Variants in PLAC1 observed in about 807,000 individuals in gnomAD.
PLAC1 encodes placenta-specific protein 1.
For missense variants in PLAC1, 136 were observed against 163.2 expected (o/e 0.83, Z 0.91); for synonymous variants, 68 against 62.1 (o/e 1.09, Z -0.44).
intron 1 of PLAC1, among the ~76,000 whole-genome samples, chrX:134,626,044 A>G (rs1286417201): frequency 9.0e-6 from 1 of 110,974 alleles, no homozygotes. Context: ...AGGAGCAAAA[A>G]GTGGAGCAGA....
chrX:134,690,063 GTC>G (rs2078531028), intron 2 of PLAC1, among the ~76,000 whole-genome samples: 1 of 110,976 alleles, frequency 9.0e-6, no homozygotes, highest in Non-Finnish European at 1.9e-5. Flanking sequence ...CCACTCTACT[GTC>G]TCTATAAATT....
chrX:134,621,796 T>TG (rs1476724157), intron 1 of PLAC1, among the ~76,000 whole-genome samples: 1 of 112,107 alleles, frequency 8.9e-6, no homozygotes, highest in Non-Finnish European at 1.9e-5. Flanking sequence ...ACTGGATTAC[T>TG]GCTTTAAGCT....
chrX:134,746,280 T>C (rs1461271607), intron 1 of PLAC1, among the ~76,000 whole-genome samples: 1 of 111,962 alleles, frequency 8.9e-6, no homozygotes, highest in African/African-American at 3.2e-5. Flanking sequence ...CTTCCTTGTC[T>C]GACCTCTGCT....
intron 1 of PLAC1, among the ~76,000 whole-genome samples, chrX:134,735,118 C>T (rs2078699528): frequency 9.0e-6 from 1 of 111,721 alleles, no homozygotes; most frequent in African/African-American, 3.3e-5. Context: ...CCAACCCTTT[C>T]GCACTAAGAA....
At chrX:134,731,116 G>T (rs1327109525) in intron 2 of PLAC1, among the ~76,000 whole-genome samples, 1 of 111,961 alleles carries the variant, frequency 8.9e-6, no homozygotes, top group African/African-American at 3.2e-5. Context: ...ACATCCCTTA[G>T]TTTTACACAT....
chrX:134,574,086 TCTCTCA>T (rs1243476702), intron 2 of PLAC1, among the ~76,000 whole-genome samples: 3 of 103,312 alleles, frequency 2.9e-5, no homozygotes, highest in African/African-American at 1.2e-4. Flanking sequence ...TCTCTCTCTC[TCTCTCA>T]CACACACACA....
chrX:134,585,915 C>T (rs1828312579), intron 2 of PLAC1, among the ~76,000 whole-genome samples: 1 of 111,983 alleles, frequency 8.9e-6, no homozygotes, highest in Admixed American at 9.4e-5. Context: ...TGAGTCACAG[C>T]ATTGCTGGGG....
chrX:134,736,871 A>AC (rs900242072), intron 1 of PLAC1, among the ~76,000 whole-genome samples: 4 of 112,239 alleles, frequency 3.6e-5, no homozygotes, highest in African/African-American at 1.3e-4. Flanking sequence ...GCAAGTGGAC[A>AC]CCAGGACACC....
chrX:134,696,192 G>A (rs952630502), intron 2 of PLAC1, among the ~76,000 whole-genome samples: 6 of 111,434 alleles, frequency 5.4e-5, no homozygotes, highest in Non-Finnish European at 7.5e-5. Flanking sequence ...CCAAGACTTG[G>A]GCAATAGCAG....
chrX:134,594,951 A>C (rs1178489906), intron 2 of PLAC1, among the ~76,000 whole-genome samples: 2 of 107,132 alleles, frequency 1.9e-5, no homozygotes, highest in Admixed American at 2.1e-4. Context: ...GGAAGCTTAG[A>C]TTACTGACTT....
chrX:134,606,784 T>C (rs745742072), intron 1 of PLAC1, among the ~76,000 whole-genome samples: 2 of 111,891 alleles, frequency 1.8e-5, no homozygotes, highest in African/African-American at 6.5e-5. Context: ...CTATTCACAA[T>C]AGCAAAGATA....
intron 2 of PLAC1, chrX:134,601,548 T>A (rs991793629): frequency 1.8e-4 from 20 of 112,311 alleles, no homozygotes; most frequent in African/African-American, 6.5e-4. Flanking sequence ...TTGGATCATT[T>A]CAATTCAAAT....
intron 1 of PLAC1, among the ~76,000 whole-genome samples, chrX:134,754,350 T>A (rs1158310301): frequency 8.9e-6 from 1 of 112,264 alleles, no homozygotes; most frequent in Non-Finnish European, 1.9e-5. Context: ...GGGAGTAGAT[T>A]CAAGCTGCTT....
intron 2 of PLAC1, among the ~76,000 whole-genome samples, chrX:134,674,674 G>A (rs1308593954): frequency 8.9e-6 from 1 of 112,359 alleles, no homozygotes; most frequent in Non-Finnish European, 1.9e-5. Flanking sequence ...TTTCCTATGG[G>A]CTATGTTGGT....
intron 2 of PLAC1, chrX:134,599,568 C>T (rs921014576): frequency 2.7e-5 from 3 of 111,796 alleles, no homozygotes; most frequent in Admixed American, 1.9e-4. Flanking sequence ...ATTACCCAGG[C>T]TTGGGTATTT....
chrX:134,650,143 T>A (rs1020569567), intron 1 of PLAC1, among the ~76,000 whole-genome samples: 4 of 112,543 alleles, frequency 3.6e-5, no homozygotes, highest in African/African-American at 1.3e-4. Context: ...TTTCTAAACA[T>A]TCTTTATAGA....
chrX:134,646,660 G>T, intron 1 of PLAC1, among the ~76,000 whole-genome samples: 1 of 112,575 alleles, frequency 8.9e-6, no homozygotes, highest in African/African-American at 3.2e-5. Flanking sequence ...AGACACAAGA[G>T]AACCTAGAAA....
chrX:134,595,992 G>A (rs1304923475), intron 2 of PLAC1, among the ~76,000 whole-genome samples: 3 of 111,128 alleles, frequency 2.7e-5, no homozygotes, highest in East Asian at 2.8e-4. Flanking sequence ...TATCTGTAGT[G>A]GTTTTGAGTG....
chrX:134,735,429 TA>T (rs757211846), intron 1 of PLAC1, among the ~76,000 whole-genome samples: 290 of 102,092 alleles, frequency 2.8e-3, no homozygotes, highest in Admixed American at 3.1e-3. Context: ...AAAGATTTGT[TA>T]AAAAAAAAAA....
Sources: gnomAD v4.1 joint callset for allele counts (sites outside exome capture counted in the v4.1 genomes callset) on GRCh38, gnomAD v4.1.1 for gene constraint, MANE v1.5 for transcripts, NCBI Gene and HGNC (gene_info 2026-07-23, HGNC 2026-07-21) for gene names.